NRXN1: variants seen among roughly 807,000 people sequenced by gnomAD.
NRXN1 encodes neurexin 1, also known as neurexin-1.
NRXN1 carries 39 observed loss-of-function variants against 150.9 expected under a neutral mutation model. The ratio of observed to expected loss-of-function variants is 0.26; its 90% CI spans 0.20 to 0.34. The LOEUF (loss-of-function observed/expected upper bound fraction) is 0.34. Ranked by LOEUF, NRXN1 falls within the 10% of genes least tolerant of loss-of-function variation. The pLI, the probability that NRXN1 is intolerant of heterozygous loss-of-function variation, is 1.00. For missense variants in NRXN1, 1,815 were observed against 1,949.9 expected (o/e 0.93, Z 1.30); for synonymous variants, 924 against 757.0 (o/e 1.22, Z -3.62).
intron 8 of NRXN1, among the ~76,000 whole-genome samples, chr2:50,570,740 T>TTTTATA: frequency 6.6e-6 from 1 of 151,892 alleles, no homozygotes; most frequent in East Asian, 1.9e-4. Flanking sequence ...GGCAGTCATG[T>TTTTATA]TATATATATA....
chr2:50,528,238 A>G (rs1191535430), intron 12 of NRXN1, among the ~76,000 whole-genome samples: 1 of 37,350 alleles, frequency 2.7e-5, no homozygotes, highest in African/African-American at 2.3e-4. Context: ...AGAGGAATTA[A>G]GTATTTTTTT....
intron 2 of NRXN1, among the ~76,000 whole-genome samples, chr2:51,001,244 G>GT (rs1558565301): frequency 1.7e-4 from 23 of 132,852 alleles, no homozygotes; most frequent in Non-Finnish European, 1.6e-5. Flanking sequence ...TGGGGGGGGG[G>GT]GGCGTTTGTC....
At chr2:50,971,347 G>A (rs1405225078) in intron 2 of NRXN1, among the ~76,000 whole-genome samples, 1 of 152,092 alleles carries the variant, frequency 6.6e-6, no homozygotes, top group African/African-American at 2.4e-5. Context: ...CACTTTGGGA[G>A]GCCACAGTGG....
intron 5 of NRXN1, among the ~76,000 whole-genome samples, chr2:50,707,940 T>C (rs1184818178): frequency 6.6e-6 from 1 of 152,156 alleles, no homozygotes; most frequent in Non-Finnish European, 1.5e-5. Context: ...AATGTTAGAG[T>C]TGTCTATCAT....
intron 16 of NRXN1, among the ~76,000 whole-genome samples, chr2:50,469,005 T>G (rs932897665): frequency 2.6e-5 from 4 of 151,634 alleles, no homozygotes; most frequent in Admixed American, 2.6e-4. Context: ...ATCTTGACTT[T>G]AGTGGGCCTG....
At chr2:50,536,874 T>A (rs1366924757) in intron 10 of NRXN1, among the ~76,000 whole-genome samples, 1 of 152,194 alleles carries the variant, frequency 6.6e-6, no homozygotes, top group Non-Finnish European at 1.5e-5. Flanking sequence ...TAAGTTGTAT[T>A]GACAATTCAC....
chr2:50,410,369 A>G (rs1393973193), intron 17 of NRXN1, among the ~76,000 whole-genome samples: 3 of 152,214 alleles, frequency 2.0e-5, no homozygotes, highest in Non-Finnish European at 4.4e-5. Flanking sequence ...TGTGATACTT[A>G]ACATATCCTA....
intron 5 of NRXN1, among the ~76,000 whole-genome samples, chr2:50,630,612 T>C (rs1682115047): frequency 6.6e-6 from 1 of 151,792 alleles, no homozygotes; most frequent in Admixed American, 6.6e-5. Flanking sequence ...AAGTCATTTT[T>C]GTATGCCAAA....
At chr2:50,836,404 A>AG (rs1481406002) in intron 5 of NRXN1, among the ~76,000 whole-genome samples, 12 of 152,142 alleles carry the variant, frequency 7.9e-5, no homozygotes, top group African/African-American at 2.4e-4. Context: ...CATTCTGTAC[A>AG]GTAAATCACT....
At chr2:50,666,150 A>C (rs1193632377) in intron 5 of NRXN1, among the ~76,000 whole-genome samples, 2 of 152,002 alleles carry the variant, frequency 1.3e-5, no homozygotes, top group African/African-American at 2.4e-5. Flanking sequence ...TTGAGATAAT[A>C]AAGTAAGTAG....
intron 12 of NRXN1, among the ~76,000 whole-genome samples, chr2:50,515,467 CA>C (rs2092600888): frequency 6.6e-6 from 1 of 152,048 alleles, no homozygotes; most frequent in African/African-American, 2.4e-5. Context: ...TCCCTCATGC[CA>C]AAAAGTTTGG....
chr2:50,629,083 C>T (rs1248252351), intron 5 of NRXN1, among the ~76,000 whole-genome samples: 1 of 151,628 alleles, frequency 6.6e-6, no homozygotes, highest in African/African-American at 2.4e-5. Flanking sequence ...TAAAGCTGAA[C>T]TTGGGCCTAC....
At chr2:50,893,487 G>C (rs1373869471) in intron 5 of NRXN1, among the ~76,000 whole-genome samples, 1 of 152,078 alleles carries the variant, frequency 6.6e-6, no homozygotes, top group Non-Finnish European at 1.5e-5. Flanking sequence ...ATTTGGTTTG[G>C]TTGTCATATC....
Position 50,931,142 on chromosome 2 carries a change from A to G in NRXN1, c.773-5187T>C, listed in dbSNP as rs560964744. Among the ~76,000 whole-genome samples the G allele has an allele frequency of 1.5e-3, 234 of 152,260 alleles. 1 individual carries two copies. The highest frequency in any genetic ancestry group is 5.5e-3 in the African/African-American group (228 of 41,564). ...CTAGGTTTGCTATCATTAAGATGAAAAGTAGGTGAACTCCCACTAATAAGA... is the reference window on the plus strand; with the variant it reads ...CTAGGTTTGCTATCATTAAGATGAAGAGTAGGTGAACTCCCACTAATAAGA... On this transcript the variant is annotated intron_variant, in intron 2 of 22. Coordinates refer to ENST00000401669, the MANE Select transcript of NRXN1 (RefSeq NM_001330078.2).
At chr2:50,265,749 A>G (rs758051033) in intron 17 of NRXN1, among the ~76,000 whole-genome samples, 1 of 152,110 alleles carries the variant, frequency 6.6e-6, no homozygotes, top group Non-Finnish European at 1.5e-5. Context: ...TCTTCCGAGC[A>G]TATGTCCTCC....
chr2:50,506,198 G>T (rs1225432736), intron 13 of NRXN1, among the ~76,000 whole-genome samples: 1 of 151,966 alleles, frequency 6.6e-6, no homozygotes, highest in Non-Finnish European at 1.5e-5. Flanking sequence ...ATCTAAACAT[G>T]ACTGCAATAT....
intron 15 of NRXN1, among the ~76,000 whole-genome samples, chr2:50,484,598 T>C (rs1199785972): frequency 6.6e-6 from 1 of 152,160 alleles, no homozygotes; most frequent in Non-Finnish European, 1.5e-5. Flanking sequence ...AAGTACTAGA[T>C]TTTCCAGAGC....
chr2:50,228,024 G>C (rs1344752124), intron 18 of NRXN1, among the ~76,000 whole-genome samples: 1 of 152,030 alleles, frequency 6.6e-6, no homozygotes, highest in Admixed American at 6.6e-5. Context: ...GGAAAATTTA[G>C]ATTCTGAAAT....
intron 5 of NRXN1, among the ~76,000 whole-genome samples, chr2:50,636,700 G>A (rs953039597): frequency 2.6e-5 from 4 of 152,016 alleles, no homozygotes; most frequent in African/African-American, 7.3e-5. Context: ...TACAAATTCA[G>A]AAAGACAAAG....
Sources: allele counts gnomAD v4.1 joint callset (sites outside exome capture counted in the v4.1 genomes callset), GRCh38; gene constraint gnomAD v4.1.1; transcripts MANE v1.5; gene names NCBI Gene and HGNC (gene_info 2026-07-23, HGNC 2026-07-21).